The following GH2 variants were observed in gnomAD, a reference collection of about 807,000 sequenced individuals.
GH2 encodes the protein growth hormone variant.
A neutral mutation model predicts 24.1 loss-of-function variants in GH2; 17 were observed. The ratio of observed to expected loss-of-function variants is 0.71; its 90% CI spans 0.48 to 1.06. The LOEUF is 1.06. Among genes scored for constraint, GH2 ranks in the 50% least tolerant of loss-of-function variants. The pLI is 0.00. For missense variants in GH2, 305 were observed against 273.1 expected, an observed-to-expected ratio of 1.12 and a Z score of -0.82; for synonymous variants, 126 against 118.7, an observed-to-expected ratio of 1.06 and a Z score of -0.40.
Position 63,881,141 on chromosome 17 carries a change from G to T in GH2, c.179C>A (p.Ala60Asp), listed in dbSNP as rs141992223. Reference sequence around the variant, plus strand: ...ATACTTCTGCTCCTTCAGGATATAGGCTTCTTCCTAGGAGAAGGACCGCCC... The same window carrying T: ...ATACTTCTGCTCCTTCAGGATATAGTCTTCTTCCTAGGAGAAGGACCGCCC... ...AYDTYQEFEE[A>D]YILKEQKYSF... Residue 60 changes from alanine to aspartate, a missense_variant, in exon 3 of 5, where the codon GCC becomes GAC. Ala to Asp is a moderately radical substitution (Grantham distance 126). Transcript: ENST00000423893. 97 of 1,613,960 alleles carry T rather than the reference G, an allele frequency of 6.0e-5. 3 individuals are homozygous for T. Among genetic ancestry groups the T allele is most frequent in the Non-Finnish European group, 8.0e-5 (94 of 1,179,948 alleles).
Position 63,880,944 on chromosome 17 carries a change from G to A in GH2, c.292-8C>T, listed in dbSNP as rs1362072339. ...GCGGAGCAGCTCTAGGTTCTGCAGG[G>A]GAAGGACCGGCAGTGGCTGTGCTGC... On this transcript the variant is annotated splice_region_variant and splice_polypyrimidine_tract_variant and intron_variant, in intron 3 of 4. Transcript: ENST00000423893. The A allele has an allele frequency of 6.2e-7, 1 of 1,613,930 alleles. No individual in the cohort carries two copies. Among genetic ancestry groups the A allele is most frequent in the Non-Finnish European group, 8.5e-7 (1 of 1,179,944 alleles).
rs1240776598 is a variant in GH2 at position 63,881,373 on chromosome 17, T to A, written c.157A>T (p.Thr53Ser). Residue 53 changes from threonine (T) to serine (S), a missense_variant, in exon 2 of 5, where the codon ACC becomes TCC. Transcript: ENST00000423893. ...ARRLYQLAYD[T>S]YQEFEEAYIL... is the part of the protein sequence containing the mutation. ...CAAGAGCTTACAAACTCCTGATAGG[T>A]GTCATATGCCAGCTGGTACAGGCGA... The A allele has an allele frequency of 2.5e-6, 4 of 1,613,836 alleles. No individual in the cohort carries two copies. In the African/African-American group the frequency reaches 5.3e-5, roughly 22 times the overall value.
Position 63,881,911 on chromosome 17 carries a change from C to G in GH2, c.-110G>C. Reference sequence around the variant, plus strand: ...TTTTTATACCTGGCCCCTTCTCTCTCGCTGCTTCTCCTCACCTGTTTCTCT... The same window carrying G: ...TTTTTATACCTGGCCCCTTCTCTCTGGCTGCTTCTCCTCACCTGTTTCTCT... On this transcript the variant is annotated 5_prime_UTR_variant, in exon 1 of 5. Coordinates refer to ENST00000423893, the MANE Select transcript of GH2 (RefSeq NM_002059.5). 6.2e-7 allele frequency: 1 copy of G among 1,607,836 alleles called. No homozygotes were observed. The highest frequency in any genetic ancestry group is 8.5e-7 in the Non-Finnish European group (1 of 1,176,618).
Position 63,881,853 on chromosome 17 carries a change from C to T in GH2, c.-52G>A, listed in dbSNP as rs1567780473. 1.2e-6 allele frequency: 2 copies of T among 1,613,658 alleles called. No individual in the cohort carries two copies. The highest frequency in any genetic ancestry group is 1.7e-6 in the Non-Finnish European group (2 of 1,179,726). ...CCCTGAGTGGTTCGGGGAGTTGGGC[C>T]TTGGGATCCTTGAGCTGGTCTCTTG... On this transcript the variant is annotated 5_prime_UTR_variant, in exon 1 of 5. Transcript: ENST00000423893.
rs1467319161 is a variant in GH2 at position 63,880,607 on chromosome 17, A to G, written c.457-89T>C. 3 of 1,613,694 alleles carry G rather than the reference A, an allele frequency of 1.9e-6. No homozygotes were observed. In the African/African-American group the frequency reaches 4.0e-5, roughly 22 times the overall value. On this transcript the variant is annotated intron_variant, in intron 4 of 4. Transcript: ENST00000423893. ...TCATCCATTTTCCTCCCTCCCCTCC[A>G]GGTTGTAGAGAAAGGCCTGGAGGAT... is the stretch of plus-strand genomic sequence containing the variant.
chr17:63,881,228 A>G (rs1052019796), intron 2 of GH2, 80 bp from the exon 3 acceptor site: 28 of 1,612,242 alleles, frequency 1.7e-5, no homozygotes, highest in African/African-American at 2.7e-5. Context: ...CACTCAGCGT[A>G]TGCTCATCTG....
rs747299084 is a variant in GH2, at chr17:63,881,513, C to G, written c.17G>C (p.Arg6Pro). MAAGS[R>P]TSLLLAFGLL... is the part of the protein sequence containing the mutation. The stretch of plus-strand genomic sequence containing the variant: ...GCCAAAAGCCAGGAGCAGGGACGTC[C>G]GGGAGCCTGGGGAGAAACCGGAGGG... Residue 6 changes from arginine (R) to proline (P), a missense_variant, in exon 2 of 5, where the codon CGG becomes CCG. Physicochemically the swap from Arg to Pro is moderately radical, Grantham distance 103. Transcript: ENST00000423893. The G allele has an allele frequency of 9.9e-6, 16 of 1,613,674 alleles. No homozygotes were observed. The highest frequency in any genetic ancestry group is 3.3e-5 in the Admixed American group (2 of 59,974).
At position 63,881,090 on chromosome 17, in the gene GH2, G is replaced by C. The variant is rs1905490252; in HGVS notation, c.230C>G (p.Ser77Cys). The C allele has an allele frequency of 6.2e-7, 1 of 1,613,968 alleles. No homozygotes were observed. The highest frequency in any genetic ancestry group is 1.3e-5 in the African/African-American group (1 of 74,936). ...TGGAATAGACTCTGAGAAGCAGAGGGAGGTCTGGGGGTTCTGCAGGAATGA... is the reference window on the plus strand; with the variant it reads ...TGGAATAGACTCTGAGAAGCAGAGGCAGGTCTGGGGGTTCTGCAGGAATGA... ...KYSFLQNPQTSLCFSESIPTP... is the reference protein window; with the variant it reads ...KYSFLQNPQTCLCFSESIPTP... Residue 77 changes from serine to cysteine, a missense_variant, in exon 3 of 5, where the codon TCC (serine) becomes TGC (cysteine). Physicochemically the swap from Ser to Cys is moderately radical, Grantham distance 112. Transcript: ENST00000423893.
rs1905560284 is a variant in GH2, at chr17:63,881,844, G to A, written c.-43C>T. 2 of 1,613,754 alleles carry A rather than the reference G, an allele frequency of 1.2e-6. No homozygotes were observed. Among genetic ancestry groups the A allele is most frequent in the African/African-American group, 1.3e-5 (1 of 75,026 alleles). On this transcript the variant is annotated 5_prime_UTR_variant, in exon 1 of 5. Coordinates refer to ENST00000423893, the MANE Select transcript of GH2 (RefSeq NM_002059.5). ...TCCACAGGACCCTGAGTGGTTCGGG[G>A]AGTTGGGCCTTGGGATCCTTGAGCT...
Position 63,880,360 on chromosome 17 carries a change from G to C in GH2, c.615C>G (p.Ile205Met), listed in dbSNP as rs200049108. ...DMDKVETFLR[I>M]VQCRSVEGSC... The stretch of plus-strand genomic sequence containing the variant: ...TGCCCTCCACAGAGCGGCACTGCAC[G>C]ATGCGCAGGAATGTCTCGACCTTGT... Residue 205 changes from isoleucine (I) to methionine (M), a missense_variant, in exon 5 of 5, where the codon ATC (isoleucine) becomes ATG (methionine). Ile to Met is a conservative substitution (Grantham distance 10, BLOSUM62 1). Transcript: ENST00000423893. The C allele has an allele frequency of 1.4e-4, 229 of 1,613,840 alleles. No homozygotes were observed. Among genetic ancestry groups the C allele is most frequent in the Middle Eastern group, 6.6e-4 (4 of 6,056 alleles).
Position 63,881,114 on chromosome 17 carries a change from G to T in GH2, c.206C>A (p.Ser69Ter), listed in dbSNP as rs779701853. 1 of 1,614,088 alleles carries T rather than the reference G, an allele frequency of 6.2e-7. No individual in the cohort carries two copies. The highest frequency in any genetic ancestry group is 1.1e-5 in the South Asian group (1 of 91,078). The stretch of plus-strand genomic sequence containing the variant: ...GGAGGTCTGGGGGTTCTGCAGGAAT[G>T]AATACTTCTGCTCCTTCAGGATATA... ...EAYILKEQKYSFLQNPQTSLC... is the reference protein window; with the variant it reads ...EAYILKEQKY The change falls in exon 3 of 5, where the codon TCA becomes TAA. Residue 69 changes from serine (S) to a stop codon, truncating the protein, a stop_gained. Coordinates refer to ENST00000423893, the MANE Select transcript of GH2 (RefSeq NM_002059.5). LOFTEE classifies it high-confidence loss of function.
rs780735322 is a variant in GH2, at chr17:63,880,482, A to G, written c.493T>C (p.Phe165Leu). ...EDGSPRTGQI[F>L]NQSYSKFDTK... ...TCAAACTTGCTGTAGGACTGATTGA[A>G]GATCTGCCCAGTCCGGGGGCTGCCA... Residue 165 changes from phenylalanine to leucine, a missense_variant, in exon 5 of 5, where the codon TTC becomes CTC. Phe to Leu is a conservative substitution (Grantham distance 22). Coordinates refer to ENST00000423893, the MANE Select transcript of GH2 (RefSeq NM_002059.5). The G allele has an allele frequency of 1.2e-6, 2 of 1,613,804 alleles. No individual in the cohort carries two copies. Among genetic ancestry groups the G allele is most frequent in the Admixed American group, 1.7e-5 (1 of 60,002 alleles).
In GH2 at chr17:63,881,868, C is replaced by T. The variant is rs1008833082; in HGVS notation, c.-67G>A. On this transcript the variant is annotated 5_prime_UTR_variant, in exon 1 of 5. Transcript: ENST00000423893. ...GGAGTTGGGCCTTGGGATCCTTGAGCTGGTCTCTTGTGGGCCCTTTTTATA... is the reference window on the plus strand; with the variant it reads ...GGAGTTGGGCCTTGGGATCCTTGAGTTGGTCTCTTGTGGGCCCTTTTTATA... 1 of 1,613,576 alleles carries T rather than the reference C, an allele frequency of 6.2e-7. No individual in the cohort carries two copies. Among genetic ancestry groups the T allele is most frequent in the Non-Finnish European group, 8.5e-7 (1 of 1,179,738 alleles).
chr17:63,881,860 TC>T lies in GH2; in HGVS notation c.-60del. 1 of 1,613,670 alleles carries T rather than the reference TC, an allele frequency of 6.2e-7. No individual in the cohort carries two copies. On this transcript the variant is annotated 5_prime_UTR_variant, in exon 1 of 5. Coordinates refer to ENST00000423893, the MANE Select transcript of GH2 (RefSeq NM_002059.5). The stretch of plus-strand genomic sequence containing the variant: ...TGGTTCGGGGAGTTGGGCCTTGGGA[TC>T]CTTGAGCTGGTCTCTTGTGGGCCCT...
chr17:63,881,524 G>C lies in GH2; in HGVS notation c.11-5C>G, dbSNP rs1905530996. 6.2e-7 allele frequency: 1 copy of C among 1,613,744 alleles called. No individual in the cohort carries two copies. The highest frequency in any genetic ancestry group is 8.5e-7 in the Non-Finnish European group (1 of 1,179,894). On this transcript the variant is annotated splice_polypyrimidine_tract_variant and splice_region_variant and intron_variant, in intron 1 of 4. Transcript: ENST00000423893. Reference sequence around the variant, plus strand: ...GGAGCAGGGACGTCCGGGAGCCTGGGGAGAAACCGGAGGGCAACAGAGGGA... The same window carrying C: ...GGAGCAGGGACGTCCGGGAGCCTGGCGAGAAACCGGAGGGCAACAGAGGGA...
Position 63,881,862 on chromosome 17 carries a change from C to A in GH2, c.-61G>T, listed in dbSNP as rs374498783. On this transcript the variant is annotated 5_prime_UTR_variant, in exon 1 of 5. In the 5' UTR this introduces an upstream ATG that the reference lacks. Coordinates refer to ENST00000423893, the MANE Select transcript of GH2 (RefSeq NM_002059.5). ...GTTCGGGGAGTTGGGCCTTGGGATCCTTGAGCTGGTCTCTTGTGGGCCCTT... is the reference window on the plus strand; with the variant it reads ...GTTCGGGGAGTTGGGCCTTGGGATCATTGAGCTGGTCTCTTGTGGGCCCTT... 2.5e-6 allele frequency: 4 copies of A among 1,613,620 alleles called. No homozygotes were observed. In the African/African-American group the frequency reaches 5.3e-5, roughly 22 times the overall value.
Position 63,880,243 on chromosome 17 carries a change from G to T in GH2, c.*78C>A. ...TGCAACTTAATTTTATTAGGACAAG[G>T]CTGGTGGGCACTGGAGTAGCACCTT... On this transcript the variant is annotated 3_prime_UTR_variant, in exon 5 of 5. Transcript: ENST00000423893. 6.2e-7 allele frequency: 1 copy of T among 1,609,836 alleles called. No homozygotes were observed. Among genetic ancestry groups the T allele is most frequent in the Non-Finnish European group, 8.5e-7 (1 of 1,176,856 alleles).
Position 63,881,465 on chromosome 17 carries a change from T to A in GH2, c.65A>T (p.Gln22Leu). 2 of 1,613,918 alleles carry A rather than the reference T, an allele frequency of 1.2e-6. No homozygotes were observed. The highest frequency in any genetic ancestry group is 1.7e-6 in the Non-Finnish European group (2 of 1,179,926). The part of the protein sequence containing the change: ...AFGLLCLSWL[Q>L]EGSAFPTIPL... Reference sequence around the variant, plus strand: ...AATGGTTGGGAAGGCACTGCCCTCTTGAAGCCAGGACAGGCAGAGCAGGCC... The same window carrying A: ...AATGGTTGGGAAGGCACTGCCCTCTAGAAGCCAGGACAGGCAGAGCAGGCC... Residue 22 changes from glutamine to leucine, a missense_variant, in exon 2 of 5, where the codon CAA becomes CTA. Transcript: ENST00000423893.
intron 1 of GH2, 91 bp from the exon 2 acceptor site, chr17:63,881,610 C>G: frequency 6.2e-7 from 1 of 1,601,396 alleles, no homozygotes; most frequent in Non-Finnish European, 8.5e-7. Context: ...TTTTTTCTCT[C>G]TCTCTCTCTG....
Sources: gnomAD v4.1 joint callset for allele counts on GRCh38, gnomAD v4.1.1 for gene constraint, MANE v1.5 for transcripts, NCBI Gene and HGNC (gene_info 2026-07-23, HGNC 2026-07-21) for gene names.